GABRG3: variants seen among roughly 807,000 people sequenced by gnomAD.
The protein encoded by GABRG3 is gamma-aminobutyric acid receptor subunit gamma-3.
A neutral mutation model predicts 48.8 loss-of-function variants in GABRG3; 25 were observed. The ratio of observed to expected loss-of-function variants is 0.51; its 90% CI spans 0.37 to 0.72. The LOEUF is 0.72. Ranked by LOEUF, GABRG3 falls within the 30% of genes least tolerant of loss-of-function variation. The pLI is 0.00. For missense variants in GABRG3, 394 were observed against 577.9 expected, an observed-to-expected ratio of 0.68 and a Z score of 3.26; for synonymous variants, 227 against 217.6, an observed-to-expected ratio of 1.04 and a Z score of -0.38.
intron 3 of GABRG3, among the ~76,000 whole-genome samples, chr15:27,246,055 C>T (rs535318370): frequency 6.6e-6 from 1 of 152,150 alleles, no homozygotes; most frequent in Admixed American, 6.5e-5. Flanking sequence ...CAGCCAGCTG[C>T]CACGTGGACT....
intron 6 of GABRG3, among the ~76,000 whole-genome samples, chr15:27,517,322 A>G (rs376181749): frequency 2.1e-4 from 32 of 152,306 alleles, no homozygotes; most frequent in African/African-American, 7.7e-4. Flanking sequence ...ACCTCCAGTC[A>G]TGCACCCAAC....
chr15:27,137,707 C>G (rs936164027), intron 3 of GABRG3, among the ~76,000 whole-genome samples: 2 of 152,178 alleles, frequency 1.3e-5, no homozygotes, highest in Non-Finnish European at 2.9e-5. Context: ...CAGGACTTGT[C>G]TCTAGTTGTA....
At chr15:27,153,131 G>T in intron 3 of GABRG3, among the ~76,000 whole-genome samples, 1 of 152,222 alleles carries the variant, frequency 6.6e-6, no homozygotes, top group East Asian at 1.9e-4. Context: ...AAAGTGCTGG[G>T]ATTACAGGCG....
At chr15:27,208,760 G>T (rs937016742) in intron 3 of GABRG3, 1 of 152,370 alleles carries the variant, frequency 6.6e-6, no homozygotes, top group African/African-American at 2.4e-5. Flanking sequence ...CATCATAGGA[G>T]ATCAATGTTT....
In GABRG3 at chr15:27,536,997, G is replaced by C. The variant is rs536798253; in HGVS notation, c.*4116G>C. ...GTCTCCAACCATTATTCTTATCACCGTATCGGTTCAGTGCTCTCAAGGCAC... is the reference window on the plus strand; with the variant it reads ...GTCTCCAACCATTATTCTTATCACCCTATCGGTTCAGTGCTCTCAAGGCAC... On this transcript the variant is annotated 3_prime_UTR_variant, in exon 10 of 10. Coordinates refer to ENST00000615808, the MANE Select transcript of GABRG3 (RefSeq NM_033223.5). The C allele has an allele frequency of 6.6e-6, 1 of 152,068 alleles. No individual in the cohort carries two copies. Among genetic ancestry groups the C allele is most frequent in the South Asian group, 2.1e-4 (1 of 4,810 alleles). The allele number at this position is 152,068 out of a possible 1,614,324, so 9.4% of individuals were successfully genotyped here.
chr15:27,401,671 C>T (rs946545290), intron 5 of GABRG3, among the ~76,000 whole-genome samples: 2 of 152,172 alleles, frequency 1.3e-5, no homozygotes, highest in Admixed American at 6.5e-5. Context: ...CATGCTCTCG[C>T]GACCATAGTT....
chr15:27,422,788 G>T (rs1483846557), intron 5 of GABRG3, among the ~76,000 whole-genome samples: 1 of 152,136 alleles, frequency 6.6e-6, no homozygotes. Context: ...TTGTTTGAGG[G>T]TCTCAAGACC....
intron 3 of GABRG3, among the ~76,000 whole-genome samples, chr15:27,134,942 A>G (rs777791519): frequency 6.6e-6 from 1 of 152,214 alleles, no homozygotes; most frequent in African/African-American, 2.4e-5. Context: ...AAAATAAGAT[A>G]CAAATTTCCA....
At position 27,424,174 on chromosome 15, in the gene GABRG3, TG is replaced by T. The variant is rs532190016; in HGVS notation, c.575-56475del. On this transcript the variant is annotated intron_variant, in intron 5 of 9. Coordinates refer to ENST00000615808, the MANE Select transcript of GABRG3 (RefSeq NM_033223.5). The stretch of plus-strand genomic sequence containing the variant: ...TCCCTGGGCCACTTCAGCTAGTTTA[TG>T]CTAACAGTGTGATCTATGATGGGGT... Among the ~76,000 whole-genome samples, 538 of 152,286 alleles carry T rather than the reference TG, an allele frequency of 3.5e-3. 5 individuals carry two copies. Among genetic ancestry groups the T allele is most frequent in the African/African-American group, 0.012 (516 of 41,564 alleles).
intron 3 of GABRG3, among the ~76,000 whole-genome samples, chr15:27,089,629 T>G (rs1057487281): frequency 1.3e-5 from 2 of 152,080 alleles, no homozygotes; most frequent in African/African-American, 4.8e-5. Context: ...GGAGAGAGGC[T>G]CTTGGATTGG....
chr15:27,237,711 C>T (rs1360800723), intron 3 of GABRG3, among the ~76,000 whole-genome samples: 2 of 152,220 alleles, frequency 1.3e-5, no homozygotes, highest in Non-Finnish European at 2.9e-5. Flanking sequence ...TAAGTTACTT[C>T]CTGCCAGCTG....
At chr15:27,450,763 A>C (rs576763909) in intron 5 of GABRG3, among the ~76,000 whole-genome samples, 1 of 152,276 alleles carries the variant, frequency 6.6e-6, no homozygotes, top group East Asian at 1.9e-4. Context: ...TTCTGAAAAA[A>C]AGAACTAAAA....
chr15:27,111,747 G>C (rs767876655), intron 3 of GABRG3, among the ~76,000 whole-genome samples: 1 of 152,114 alleles, frequency 6.6e-6, no homozygotes, highest in Non-Finnish European at 1.5e-5. Context: ...GGAGCATTCT[G>C]TACTTTTCTG....
At chr15:27,020,881 T>C (rs1895882253) in intron 2 of GABRG3, among the ~76,000 whole-genome samples, 1 of 152,248 alleles carries the variant, frequency 6.6e-6, no homozygotes, top group African/African-American at 2.4e-5. Flanking sequence ...TTTTATCAGC[T>C]CTTTTCCCGC....
chr15:27,507,217 A>G (rs533216629), intron 6 of GABRG3, among the ~76,000 whole-genome samples: 24 of 152,274 alleles, frequency 1.6e-4, no homozygotes, highest in African/African-American at 5.1e-4. Context: ...AAATATGTTA[A>G]GTTTTGGCCC....
chr15:27,294,925 C>T (rs1416883920), intron 3 of GABRG3: 1 of 152,156 alleles, frequency 6.6e-6, no homozygotes, highest in Non-Finnish European at 1.5e-5. Context: ...AGAAGACACA[C>T]CCTCAGCGCG....
chr15:27,237,494 G>A (rs1353218655), intron 3 of GABRG3, among the ~76,000 whole-genome samples: 1 of 152,212 alleles, frequency 6.6e-6, no homozygotes, highest in East Asian at 1.9e-4. Context: ...GTCGCCAACA[G>A]CCGGGCAGCA....
At chr15:27,244,760 C>T (rs1890223867) in intron 3 of GABRG3, among the ~76,000 whole-genome samples, 1 of 152,056 alleles carries the variant, frequency 6.6e-6, no homozygotes, top group Admixed American at 6.6e-5. Flanking sequence ...TCCAGTCTGG[C>T]ACCTGAGTGA....
intron 3 of GABRG3, among the ~76,000 whole-genome samples, chr15:27,291,590 C>T (rs1212786460): frequency 6.6e-6 from 1 of 152,206 alleles, no homozygotes; most frequent in Non-Finnish European, 1.5e-5. Context: ...CTGAACTATA[C>T]AGTCCACTTC....
Sources: allele counts gnomAD v4.1 joint callset (sites outside exome capture counted in the v4.1 genomes callset), GRCh38; gene constraint gnomAD v4.1.1; transcripts MANE v1.5; gene names NCBI Gene and HGNC (gene_info 2026-07-23, HGNC 2026-07-21).